Variants in SEMA5A observed in about 807,000 individuals in gnomAD.
SEMA5A encodes semaphorin-5A.
A neutral mutation model predicts 135.5 loss-of-function variants in SEMA5A; 55 were observed. The observed-to-expected ratio is 0.41, with a 90% CI of 0.33 to 0.51. The LOEUF is 0.51. Ranked by LOEUF, SEMA5A falls within the 20% of genes least tolerant of loss-of-function variation. The pLI is 0.37. For missense variants in SEMA5A, 1,290 were observed against 1,419.9 expected, an observed-to-expected ratio of 0.91 and a Z score of 1.47; for synonymous variants, 580 against 546.5, an observed-to-expected ratio of 1.06 and a Z score of -0.85.
chr5:9,120,276 C>T (rs253648), intron 14 of SEMA5A, among the ~76,000 whole-genome samples: 92,221 of 151,894 alleles, frequency 0.61, 30,015 homozygotes, highest in African/African-American at 0.84. Flanking sequence ...ATTTTTACTT[C>T]GTGTATTTCC....
chr5:9,300,062 G>A (rs1056660820), intron 5 of SEMA5A, among the ~76,000 whole-genome samples: 1 of 152,100 alleles, frequency 6.6e-6, no homozygotes, highest in Admixed American at 6.5e-5. Flanking sequence ...GGCAGGTCTT[G>A]CTCTGTTAGA....
chr5:9,506,394 A>G (rs1273195937), intron 1 of SEMA5A, among the ~76,000 whole-genome samples: 3 of 152,236 alleles, frequency 2.0e-5, no homozygotes, highest in Non-Finnish European at 4.4e-5. Flanking sequence ...AAAAATTAAT[A>G]TAATGGGTCA....
chr5:9,362,568 A>G (rs567326387), intron 3 of SEMA5A, among the ~76,000 whole-genome samples: 7 of 152,330 alleles, frequency 4.6e-5, no homozygotes, highest in African/African-American at 1.4e-4. Context: ...AAGGGAAGAT[A>G]GGTAGTTTTA....
chr5:9,462,985 T>TG (rs567731123), intron 1 of SEMA5A, among the ~76,000 whole-genome samples: 2 of 127,208 alleles, frequency 1.6e-5, no homozygotes, highest in Admixed American at 7.8e-5. Flanking sequence ...AAATAAAAGT[T>TG]AAAAAAAAAA....
chr5:9,331,364 C>T (rs1380655592), intron 4 of SEMA5A, among the ~76,000 whole-genome samples: 3 of 152,090 alleles, frequency 2.0e-5, no homozygotes, highest in East Asian at 1.9e-4. Flanking sequence ...AGAAGCCTAC[C>T]GTTTATTTTA....
chr5:9,310,049 A>G (rs971481968), intron 5 of SEMA5A, among the ~76,000 whole-genome samples: 2 of 152,108 alleles, frequency 1.3e-5, no homozygotes, highest in African/African-American at 4.8e-5. Flanking sequence ...AAAAAAAAAT[A>G]CTGAGTCATA....
chr5:9,207,255 A>C (rs1040309925), intron 8 of SEMA5A, among the ~76,000 whole-genome samples: 2 of 151,600 alleles, frequency 1.3e-5, no homozygotes, highest in Non-Finnish European at 2.9e-5. Flanking sequence ...GTGCGATCTC[A>C]GCTCACTGCA....
chr5:9,486,694 T>C (rs1233494926), intron 1 of SEMA5A, among the ~76,000 whole-genome samples: 1 of 151,900 alleles, frequency 6.6e-6, no homozygotes, highest in East Asian at 1.9e-4. Flanking sequence ...AAAAATGGAC[T>C]CCTCAGACTA....
chr5:9,218,444 G>T (rs948624135), intron 8 of SEMA5A, among the ~76,000 whole-genome samples: 1 of 152,250 alleles, frequency 6.6e-6, no homozygotes, highest in Non-Finnish European at 1.5e-5. Flanking sequence ...TCTACTGGGC[G>T]TTTCATCGGT....
intron 16 of SEMA5A, among the ~76,000 whole-genome samples, chr5:9,094,396 T>C (rs1739209126): frequency 6.6e-6 from 1 of 152,244 alleles, no homozygotes; most frequent in African/African-American, 2.4e-5. Context: ...AGGCAGAGTT[T>C]CTTTCTTCCT....
At chr5:9,459,929 A>G (rs1758993456) in intron 1 of SEMA5A, among the ~76,000 whole-genome samples, 1 of 152,244 alleles carries the variant, frequency 6.6e-6, no homozygotes, top group Non-Finnish European at 1.5e-5. Context: ...CATTGCAGAT[A>G]ACTGATTCCT....
rs140222846 is a variant in SEMA5A, at chr5:9,280,212, T to C, written c.270+38160A>G. On this transcript the variant is annotated intron_variant, in intron 5 of 22. Coordinates refer to ENST00000382496, the MANE Select transcript of SEMA5A (RefSeq NM_003966.3). ...CCTAATTACAGATTCTGATTTTTAC[T>C]TTACATTTACTGCAGCAGATATCTC... Among the ~76,000 whole-genome samples, 7 of 152,340 alleles carry C rather than the reference T, an allele frequency of 4.6e-5. No homozygotes were observed. The East Asian group carries it at 1.3e-3, about 29-fold the overall frequency.
intron 1 of SEMA5A, among the ~76,000 whole-genome samples, chr5:9,473,046 T>C (rs998474764): frequency 2.0e-5 from 3 of 149,474 alleles, no homozygotes; most frequent in Admixed American, 2.0e-4. Flanking sequence ...ATATTTTAAG[T>C]TGTTCATTCT....
At chr5:9,396,493 G>A (rs1170523047) in intron 2 of SEMA5A, among the ~76,000 whole-genome samples, 2 of 152,034 alleles carry the variant, frequency 1.3e-5, no homozygotes, top group Admixed American at 6.5e-5. Context: ...CACCCCAGAG[G>A]ATACCTCTGC....
chr5:9,360,650 C>T (rs1476725393), intron 3 of SEMA5A, among the ~76,000 whole-genome samples: 5 of 152,142 alleles, frequency 3.3e-5, no homozygotes, highest in Non-Finnish European at 7.4e-5. Context: ...ACACTGGGTG[C>T]ATACAATATT....
intron 11 of SEMA5A, among the ~76,000 whole-genome samples, chr5:9,178,503 T>C (rs1744332057): frequency 6.6e-6 from 1 of 152,048 alleles, no homozygotes; most frequent in Admixed American, 6.6e-5. Context: ...GGCTACTTTT[T>C]TTTATTTTTA....
rs116356028 is a variant in SEMA5A at position 9,342,433 on chromosome 5, A to T, written c.125-4621T>A. Among the ~76,000 whole-genome samples, 311 of 152,312 alleles carry T rather than the reference A, an allele frequency of 2.0e-3. 1 individual carries two copies. The highest frequency in any genetic ancestry group is 7.0e-3 in the African/African-American group (290 of 41,564). ...TTCATTCCTCACACCTTCAAACTTC[A>T]GTTAATTAAGGGGCTGAGAAAGCAG... On this transcript the variant is annotated intron_variant, in intron 3 of 22. Transcript: ENST00000382496.
At chr5:9,294,179 C>T (rs1263485347) in intron 5 of SEMA5A, among the ~76,000 whole-genome samples, 2 of 152,162 alleles carry the variant, frequency 1.3e-5, no homozygotes, top group Non-Finnish European at 2.9e-5. Flanking sequence ...CAGCATTTGG[C>T]CTTCCGGTAC....
rs539621698 is a variant in SEMA5A at position 9,541,514 on chromosome 5, C to T, written c.-175+4070G>A. 9.2e-5 allele frequency among the ~76,000 whole-genome samples: 14 copies of T among 151,950 alleles called. No homozygotes were observed. The East Asian group carries it at 2.7e-3, about 29-fold the overall frequency. On this transcript the variant is annotated intron_variant, in intron 1 of 22. Coordinates refer to ENST00000382496, the MANE Select transcript of SEMA5A (RefSeq NM_003966.3). ...TTCTCTTTTAAAATAGTTTTTTTTC[C>T]CCAAGTGTTAATCAGGAAACCAATT...
Sources: gnomAD v4.1 joint callset for allele counts (sites outside exome capture counted in the v4.1 genomes callset) on GRCh38, gnomAD v4.1.1 for gene constraint, MANE v1.5 for transcripts, NCBI Gene and HGNC (gene_info 2026-07-23, HGNC 2026-07-21) for gene names.